The following KIF24 variants were observed in gnomAD, a reference collection of about 807,000 sequenced individuals.
KIF24 encodes kinesin family member 24, also known as kinesin-like protein KIF24.
KIF24 carries 81 observed loss-of-function variants against 118.9 expected under a neutral mutation model. The observed-to-expected ratio is 0.68, with a 90% CI of 0.57 to 0.82. KIF24 has a LOEUF of 0.82. KIF24 is among the 40% of genes least tolerant of loss of function. The pLI, the probability that KIF24 is intolerant of heterozygous loss-of-function variation, is 0.00. For synonymous variants in KIF24, 599 were observed against 610.0 expected (o/e 0.98, Z 0.27); for missense variants, 1,560 against 1,661.6 (o/e 0.94, Z 1.06).
chr9:34,328,035 C>G (rs1837733953), intron 1 of KIF24, among the ~76,000 whole-genome samples: 1 of 152,010 alleles, frequency 6.6e-6, no homozygotes, highest in Non-Finnish European at 1.5e-5. Flanking sequence ...TTTTTCACTC[C>G]TTTTATTAAG....
intron 8 of KIF24, among the ~76,000 whole-genome samples, chr9:34,266,094 T>G (rs755973881): frequency 2.0e-5 from 3 of 152,142 alleles, no homozygotes; most frequent in Admixed American, 6.5e-5. Context: ...GGTCTCATTA[T>G]GTTGCTCAAG....
In KIF24 at chr9:34,311,199, C is replaced by T. The variant is rs958057054; in HGVS notation, c.148G>A (p.Asp50Asn). The T allele has an allele frequency of 6.2e-7, 1 of 1,613,104 alleles. No individual in the cohort carries two copies. The highest frequency in any genetic ancestry group is 1.3e-5 in the African/African-American group (1 of 74,864). The stretch of plus-strand genomic sequence containing the variant: ...ATAAGTTGGAAGAGACGTTTGCGGT[C>T]GTTCATGTCATGGACTCCTAATTTG... Reference protein sequence around the residue: ...YSKLGVHDMNDRKRLFQLIKI... With the variant: ...YSKLGVHDMNNRKRLFQLIKI... Residue 50 changes from aspartate to asparagine, a missense_variant, in exon 2 of 13, where the codon GAC becomes AAC. By Grantham distance (23) the Asp-to-Asn change is conservative. Around this residue, in one of 3 missense-constraint regions of KIF24, gnomAD observed 964 missense variants for 988.0 expected, o/e 0.98. Transcript: ENST00000402558.
At chr9:34,255,588 G>T in intron 11 of KIF24, 147 bp downstream of exon 11, 1 of 697,850 alleles carries the variant, frequency 1.4e-6, no homozygotes, top group Non-Finnish European at 2.4e-6. Context: ...GGAGGGCCCG[G>T]GACCAAAGCA....
chr9:34,290,253 T>A lies in KIF24; in HGVS notation c.1048A>T (p.Arg350Ter), dbSNP rs776367319. The A allele has an allele frequency of 6.2e-7, 1 of 1,613,994 alleles. No homozygotes were observed. Among genetic ancestry groups the A allele is most frequent in the Non-Finnish European group, 8.5e-7 (1 of 1,179,872 alleles). The change falls in exon 5 of 13, where the codon AGA becomes TGA. Residue 350 changes from arginine to a stop codon, truncating the protein, a stop_gained. Transcript: ENST00000402558. LOFTEE classifies it high-confidence loss of function. Reference sequence around the variant, plus strand: ...CTGATCCACACAAAGAGGTGCTTTCTTGGCTGGGACACTTCTAGTTGCCTG... The same window carrying A: ...CTGATCCACACAAAGAGGTGCTTTCATGGCTGGGACACTTCTAGTTGCCTG... ...IFRQLEVSQP[R>*]KHLFVWISFY...
upstream of KIF24, among the ~76,000 whole-genome samples, chr9:34,332,396 C>G (rs1055857593): frequency 6.6e-6 from 1 of 152,180 alleles, no homozygotes; most frequent in Non-Finnish European, 1.5e-5. Flanking sequence ...TGTAACTTGT[C>G]TGTTGGAATG....
At chr9:34,311,405 T>C (rs757885553) in intron 1 of KIF24, 34 bp from the exon 2 acceptor site, 2 of 1,151,642 alleles carry the variant, frequency 1.7e-6, no homozygotes, top group Non-Finnish European at 2.4e-6. Context: ...TCGCTTGAAA[T>C]AGAGTACATG....
chr9:34,314,226 C>T (rs1837265588), intron 1 of KIF24, among the ~76,000 whole-genome samples: 1 of 151,914 alleles, frequency 6.6e-6, no homozygotes, highest in African/African-American at 2.4e-5. Flanking sequence ...TGCAGTGGTG[C>T]AATCTTGGCT....
chr9:34,325,387 C>G (rs950358515), intron 1 of KIF24, among the ~76,000 whole-genome samples: 3 of 144,252 alleles, frequency 2.1e-5, no homozygotes, highest in Non-Finnish European at 4.5e-5. Flanking sequence ...TCTTTTTATA[C>G]CCAGGTTCTA....
intron 4 of KIF24, among the ~76,000 whole-genome samples, chr9:34,293,531 T>C (rs974125945): frequency 2.7e-5 from 4 of 149,762 alleles, no homozygotes; most frequent in African/African-American, 9.8e-5. Context: ...TCCCAGCACT[T>C]TGGGAGGCCG....
At chr9:34,324,231 A>T (rs563006710) in intron 1 of KIF24, among the ~76,000 whole-genome samples, 3 of 152,318 alleles carry the variant, frequency 2.0e-5, no homozygotes, top group African/African-American at 7.2e-5. Flanking sequence ...ATCACTATAA[A>T]AATGTCTCCA....
At chr9:34,314,448 G>A (rs1456095210) in intron 1 of KIF24, among the ~76,000 whole-genome samples, 1 of 152,130 alleles carries the variant, frequency 6.6e-6, no homozygotes, top group Non-Finnish European at 1.5e-5. Context: ...TTACAGGCAT[G>A]AGCCACCATG....
intron 5 of KIF24, among the ~76,000 whole-genome samples, chr9:34,288,913 C>G (rs993776969): frequency 4.0e-5 from 6 of 149,374 alleles, no homozygotes; most frequent in African/African-American, 1.2e-4. Flanking sequence ...GCTTTTATTC[C>G]ATGGCAATTG....
At chr9:34,279,581 G>T (rs1212983992) in intron 6 of KIF24, among the ~76,000 whole-genome samples, 1 of 152,226 alleles carries the variant, frequency 6.6e-6, no homozygotes. Context: ...AAATACACTG[G>T]GAAGGAGAAA....
At chr9:34,330,014 T>C (rs942463096), upstream of KIF24, among the ~76,000 whole-genome samples, 29 of 152,250 alleles carry the variant, frequency 1.9e-4, no homozygotes, top group African/African-American at 6.8e-4. Context: ...ATTGCTTCAG[T>C]TATTGAATGG....
chr9:34,286,440 T>C (rs1012370252), intron 6 of KIF24, among the ~76,000 whole-genome samples, 177 bp downstream of exon 6: 4 of 152,138 alleles, frequency 2.6e-5, no homozygotes, highest in Non-Finnish European at 5.9e-5. Flanking sequence ...AGAAACCCTA[T>C]AGAGAAACAA....
chr9:34,287,122 G>T (rs1359096285), intron 5 of KIF24, among the ~76,000 whole-genome samples: 1 of 152,178 alleles, frequency 6.6e-6, no homozygotes, highest in Non-Finnish European at 1.5e-5. Context: ...CTGTGGCCCT[G>T]GGAGCAGTGG....
chr9:34,284,849 T>C (rs1835976399), intron 6 of KIF24, among the ~76,000 whole-genome samples: 1 of 152,170 alleles, frequency 6.6e-6, no homozygotes, highest in South Asian at 2.1e-4. Context: ...TTAGGTTTTA[T>C]GCATTTTTCT....
At chr9:34,301,252 A>G (rs1836696101) in intron 3 of KIF24, among the ~76,000 whole-genome samples, 3 of 152,008 alleles carry the variant, frequency 2.0e-5, no homozygotes, top group Admixed American at 2.0e-4. Flanking sequence ...AGAGTTCCAC[A>G]GTTTATTTAT....
intron 3 of KIF24, among the ~76,000 whole-genome samples, chr9:34,304,244 G>A (rs1429844592): frequency 6.6e-6 from 1 of 151,972 alleles, no homozygotes; most frequent in Non-Finnish European, 1.5e-5. Context: ...TTCTATTTGA[G>A]GAAGAAAAAA....
Sources: allele counts gnomAD v4.1 joint callset (sites outside exome capture counted in the v4.1 genomes callset), GRCh38; gene constraint gnomAD v4.1.1; regional missense constraint gnomAD v4.1.1; transcripts MANE v1.5; gene names NCBI Gene and HGNC (gene_info 2026-07-23, HGNC 2026-07-21).